The following DCTN4 variants were observed in gnomAD, a reference collection of about 807,000 sequenced individuals.
DCTN4 encodes dynactin subunit 4, also known as dynactin 4 (p62).
DCTN4 carries 23 observed loss-of-function variants against 62.7 expected under a neutral mutation model. The observed-to-expected ratio is 0.37, with a 90% CI of 0.26 to 0.52. DCTN4 has a LOEUF of 0.52. Among genes scored for constraint, DCTN4 ranks in the 20% least tolerant of loss-of-function variants. The pLI, the probability that DCTN4 is intolerant of heterozygous loss-of-function variation, is 0.92. For missense variants in DCTN4, 514 were observed against 580.4 expected, an observed-to-expected ratio of 0.89 and a Z score of 1.18; for synonymous variants, 199 against 202.1, an observed-to-expected ratio of 0.98 and a Z score of 0.13.
At chr5:150,739,717 G>C (rs1006371416) in intron 4 of DCTN4, among the ~76,000 whole-genome samples, 1 of 152,094 alleles carries the variant, frequency 6.6e-6, no homozygotes, top group Non-Finnish European at 1.5e-5. Context: ...CATAATACTG[G>C]TATAAAAATA....
At chr5:150,750,988 G>A (rs944899792) in intron 3 of DCTN4, among the ~76,000 whole-genome samples, 1 of 152,150 alleles carries the variant, frequency 6.6e-6, no homozygotes, top group South Asian at 2.1e-4. Context: ...TAACACTTTA[G>A]TATAATATTA....
At chr5:150,712,499 T>C (rs927240846) in intron 12 of DCTN4, among the ~76,000 whole-genome samples, 15 of 152,250 alleles carry the variant, frequency 9.9e-5, no homozygotes, top group East Asian at 1.9e-4. Context: ...ACGATCATAG[T>C]TCATGGTAGC....
intron 3 of DCTN4, among the ~76,000 whole-genome samples, chr5:150,747,376 A>G (rs1752490212): frequency 1.3e-5 from 2 of 152,248 alleles, no homozygotes; most frequent in Admixed American, 1.3e-4. Flanking sequence ...AAGGTAATTG[A>G]TAGATTCAAT....
chr5:150,741,589 T>G (rs1323573593), intron 4 of DCTN4, among the ~76,000 whole-genome samples: 1 of 152,156 alleles, frequency 6.6e-6, no homozygotes, highest in African/African-American at 2.4e-5. Flanking sequence ...AAAGCAATCC[T>G]CCCACCTCAG....
chr5:150,755,508 T>C, intron 2 of DCTN4: 1 of 456,318 alleles, frequency 2.2e-6, no homozygotes, highest in Non-Finnish European at 4.4e-6. Flanking sequence ...CTTGATATGA[T>C]GTAATCAAAG....
chr5:150,727,731 G>C (rs1466343839), intron 8 of DCTN4, among the ~76,000 whole-genome samples: 3 of 135,844 alleles, frequency 2.2e-5, no homozygotes, highest in Non-Finnish European at 4.5e-5. Context: ...AGCCGAGATC[G>C]CGCCACTGCA....
intron 3 of DCTN4, among the ~76,000 whole-genome samples, chr5:150,746,748 CTA>C (rs1561707445): frequency 6.6e-6 from 1 of 152,208 alleles, no homozygotes; most frequent in African/African-American, 2.4e-5. Flanking sequence ...GCCCTTCATG[CTA>C]AAAACTCTCA....
In DCTN4 at chr5:150,730,876, C is replaced by G. The variant is rs1760335508; in HGVS notation, c.725-136G>C. 5 of 862,896 alleles carry G rather than the reference C, an allele frequency of 5.8e-6. No homozygotes were observed. In the East Asian group the frequency reaches 1.3e-4, roughly 22 times the overall value. 53.5% of individuals were successfully genotyped at this position (862,896 alleles called of 1,614,324 possible). A position where few individuals can be genotyped will look rare whatever the true frequency, so the allele number is the denominator to read the frequency against. On this transcript the variant is annotated intron_variant, in intron 7 of 12. Coordinates refer to ENST00000447998, the MANE Select transcript of DCTN4 (RefSeq NM_016221.4). ...TAAAAATGAAAATATAGAAAGTTGA[C>G]ATTTTAGATTTCAAACAATTACCTC... is the stretch of plus-strand genomic sequence containing the variant.
chr5:150,757,692 C>G (rs1294177698), intron 1 of DCTN4, among the ~76,000 whole-genome samples: 1 of 152,024 alleles, frequency 6.6e-6, no homozygotes, highest in Non-Finnish European at 1.5e-5. Context: ...TTAATATATA[C>G]GATTTTTCTT....
intron 4 of DCTN4, among the ~76,000 whole-genome samples, chr5:150,734,762 C>A (rs1760515129): frequency 6.6e-6 from 1 of 152,168 alleles, no homozygotes; most frequent in Non-Finnish European, 1.5e-5. Context: ...GTAGCCTGGG[C>A]CAAAATCTTG....
At chr5:150,744,244 A>G (rs1226290670) in intron 3 of DCTN4, among the ~76,000 whole-genome samples, 1 of 151,968 alleles carries the variant, frequency 6.6e-6, no homozygotes, top group Admixed American at 6.5e-5. Flanking sequence ...TAGAGAAAAA[A>G]GAATAAAAAG....
intron 11 of DCTN4, among the ~76,000 whole-genome samples, chr5:150,717,881 CA>C (rs1264224087): frequency 2.0e-5 from 3 of 152,166 alleles, no homozygotes; most frequent in Non-Finnish European, 4.4e-5. Flanking sequence ...ACTGGAAGAA[CA>C]GAGAAGTAAT....
At chr5:150,753,390 GC>G (rs1752746748) in intron 3 of DCTN4, 88 bp downstream of exon 3, 1 of 1,194,304 alleles carries the variant, frequency 8.4e-7, no homozygotes, top group African/African-American at 1.5e-5. Flanking sequence ...AGCTCCTATC[GC>G]CCCAACGGGT....
intron 12 of DCTN4, among the ~76,000 whole-genome samples, chr5:150,711,980 C>T (rs1228899996): frequency 1.3e-5 from 2 of 152,026 alleles, no homozygotes; most frequent in Non-Finnish European, 2.9e-5. Context: ...GCACAGTATT[C>T]AATTATGTGT....
At position 150,731,131 on chromosome 5, in the gene DCTN4, C is replaced by T; in HGVS notation, c.637G>A (p.Glu213Lys). 1 of 1,611,450 alleles carries T rather than the reference C, an allele frequency of 6.2e-7. No homozygotes were observed. Among genetic ancestry groups the T allele is most frequent in the Non-Finnish European group, 8.5e-7 (1 of 1,177,874 alleles). Residue 213 changes from glutamate (E) to lysine (K), a missense_variant, in exon 7 of 13, where the codon GAG becomes AAG. Physicochemically the swap from Glu to Lys is moderately conservative, Grantham distance 56 (BLOSUM62 1). Transcript: ENST00000447998. ...GCCTGAGCTGGCTCAATCTTTATCT[C>T]TTTCTGATCCTCTCCTTCTTTAAGG... is the stretch of plus-strand genomic sequence containing the variant. ...LSLKEGEDQK[E>K]IKIEPAQAVD... is the part of the protein sequence containing the mutation.
At chr5:150,753,778 C>A in intron 2 of DCTN4, 121 bp from the exon 3 acceptor site, 1 of 995,026 alleles carries the variant, frequency 1.0e-6, no homozygotes, top group Non-Finnish European at 1.4e-6. Context: ...GGCCTCTTAC[C>A]AACTTTGCTT....
In DCTN4 at chr5:150,751,384, A is replaced by C. The variant is rs549131686; in HGVS notation, c.385+2095T>G. On this transcript the variant is annotated intron_variant, in intron 3 of 12. Coordinates refer to ENST00000447998, the MANE Select transcript of DCTN4 (RefSeq NM_016221.4). ...TATAGTTCTGAAATATAAATTCTCCAATCTTCATGACTCATAAACCAAAAA... is the reference window on the plus strand; with the variant it reads ...TATAGTTCTGAAATATAAATTCTCCCATCTTCATGACTCATAAACCAAAAA... Among the ~76,000 whole-genome samples the C allele has an allele frequency of 2.6e-5, 4 of 152,232 alleles. No homozygotes were observed. In the South Asian group the frequency reaches 8.3e-4, roughly 32 times the overall value.
chr5:150,744,341 A>G (rs1229836085), intron 3 of DCTN4, among the ~76,000 whole-genome samples: 8 of 152,020 alleles, frequency 5.3e-5, no homozygotes, highest in Non-Finnish European at 1.2e-4. Flanking sequence ...GATGGGGAGA[A>G]TGGAACCAAG....
intron 4 of DCTN4, among the ~76,000 whole-genome samples, chr5:150,736,856 C>T (rs1215580658): frequency 6.6e-6 from 1 of 152,162 alleles, no homozygotes; most frequent in Non-Finnish European, 1.5e-5. Context: ...CAAGTATCTG[C>T]CGTCTTCAAG....
Sources: allele counts gnomAD v4.1 joint callset (sites outside exome capture counted in the v4.1 genomes callset), GRCh38; gene constraint gnomAD v4.1.1; transcripts MANE v1.5; gene names NCBI Gene and HGNC (gene_info 2026-07-23, HGNC 2026-07-21).